SVOPL: variants seen among roughly 807,000 people sequenced by gnomAD.
SVOPL encodes the protein SVOP like, also known as putative transporter SVOPL.
A neutral mutation model predicts 61.0 loss-of-function variants in SVOPL; 60 were observed. The ratio of observed to expected loss-of-function variants is 0.98; its 90% CI spans 0.80 to 1.22. The LOEUF (loss-of-function observed/expected upper bound fraction) is 1.22, where lower values mean the gene tolerates loss of function less well. Ranked by LOEUF, SVOPL falls within the 50% of genes most tolerant of loss-of-function variation. SVOPL has a pLI of 0.00. For missense variants in SVOPL, 662 were observed against 643.9 expected, an observed-to-expected ratio of 1.03 and a Z score of -0.30; for synonymous variants, 279 against 250.0, an observed-to-expected ratio of 1.12 and a Z score of -1.09.
intron 13 of SVOPL, among the ~76,000 whole-genome samples, chr7:138,623,855 C>T (rs117668442): frequency 0.015 from 2,300 of 152,082 alleles, 35 homozygotes; most frequent in Non-Finnish European, 0.025. Flanking sequence ...CGGAGTCTCT[C>T]TGTCACCGGG....
At chr7:138,685,225 C>T (rs374099327) in intron 1 of SVOPL, among the ~76,000 whole-genome samples, 8 of 152,122 alleles carry the variant, frequency 5.3e-5, no homozygotes, top group Non-Finnish European at 1.2e-4. Flanking sequence ...AGTCACTGTG[C>T]CCGGCCACAA....
At chr7:138,621,780 T>TTCTATCTATCTA in intron 13 of SVOPL, among the ~76,000 whole-genome samples, 1 of 90,936 alleles carries the variant, frequency 1.1e-5, no homozygotes, top group African/African-American at 3.9e-5. Flanking sequence ...TAACAGCATA[T>TTCTATCTATCTA]TCTATCTATC....
chr7:138,612,429 T>TAAAAAAAAAAAAAAAAAAAAAAAAA (rs1799084478), intron 14 of SVOPL, among the ~76,000 whole-genome samples: 4 of 78,146 alleles, frequency 5.1e-5, no homozygotes, highest in Admixed American at 1.3e-4. Context: ...AAAAATAAAA[T>TAAAAAAAAAAAAAAAAAAAAAAAAA]AAAAAATAAA....
intron 1 of SVOPL, among the ~76,000 whole-genome samples, chr7:138,684,728 A>T (rs1294333503): frequency 6.6e-6 from 1 of 152,188 alleles, no homozygotes; most frequent in East Asian, 1.9e-4. Context: ...ATTAAAATAG[A>T]ACCACCAATA....
At chr7:138,679,388 G>A (rs1037534483) in intron 1 of SVOPL, among the ~76,000 whole-genome samples, 1 of 152,054 alleles carries the variant, frequency 6.6e-6, no homozygotes, top group Non-Finnish European at 1.5e-5. Context: ...TCGTGCCTCA[G>A]CCTCTTGAGT....
chr7:138,622,202 GTATCTATCTATCTATC>G (rs1195847598), intron 13 of SVOPL, among the ~76,000 whole-genome samples: 8 of 59,404 alleles, frequency 1.3e-4, no homozygotes, highest in East Asian at 6.1e-4. Context: ...ATCTATCTAT[GTATCTATCTATCTATC>G]TATGTATCTA....
chr7:138,659,720 A>C, intron 6 of SVOPL, 144 bp downstream of exon 6: 1 of 890,494 alleles, frequency 1.1e-6, no homozygotes, highest in Non-Finnish European at 1.7e-6. Flanking sequence ...AACTTTGGCA[A>C]AAATAAACTT....
At position 138,649,103 on chromosome 7, in the gene SVOPL, C is replaced by A. The variant is rs1563118396; in HGVS notation, c.569G>T (p.Gly190Val). 1 of 1,613,180 alleles carries A rather than the reference C, an allele frequency of 6.2e-7. No homozygotes were observed. Among genetic ancestry groups the A allele is most frequent in the Non-Finnish European group, 8.5e-7 (1 of 1,179,898 alleles). ...GGTGGGGATGATCACAGAGGCCAAG[C>A]CAATGATGAGCAGGGAGCCCGCAAG... ...FWLAGSLLII[G>V]LASVIIPTIG... is the part of the protein sequence containing the mutation. Residue 190 changes from glycine (G) to valine (V), a missense_variant, in exon 8 of 16, where the codon GGC (glycine) becomes GTC (valine). Transcript: ENST00000674285.
rs762135059 is a variant in SVOPL, at chr7:138,644,716, C to T, written c.789+1G>A. 1 of 1,614,000 alleles carries T rather than the reference C, an allele frequency of 6.2e-7. No individual in the cohort carries two copies. The highest frequency in any genetic ancestry group is 2.2e-5 in the East Asian group (1 of 44,872). On this transcript the variant is annotated splice_donor_variant, in intron 9 of 15. Coordinates refer to ENST00000674285, the MANE Select transcript of SVOPL (RefSeq NM_001139456.2). LOFTEE classifies it high-confidence loss of function. ...AGAAGACCTCGGGGGCCAGCACTCA[C>T]CAGGACGGGCTCCACCAGCTTCCCC...
intron 7 of SVOPL, among the ~76,000 whole-genome samples, chr7:138,652,536 A>T (rs1801490020): frequency 6.6e-6 from 1 of 152,194 alleles, no homozygotes; most frequent in African/African-American, 2.4e-5. Context: ...TTCATGAGGA[A>T]GGCATGTCGA....
intron 7 of SVOPL, among the ~76,000 whole-genome samples, chr7:138,654,299 AGAGAT>A (rs567839426): frequency 1.3e-5 from 2 of 152,344 alleles, no homozygotes; most frequent in Admixed American, 1.3e-4. Context: ...AGTGTACAGA[AGAGAT>A]AAGATGATGT....
chr7:138,621,997 T>A (rs1584792760), intron 13 of SVOPL, among the ~76,000 whole-genome samples: 3 of 149,978 alleles, frequency 2.0e-5, no homozygotes, highest in Non-Finnish European at 3.0e-5. Context: ...TATGTATCTA[T>A]CTATCTATGT....
In SVOPL at chr7:138,612,424, TAAAATAA is replaced by T. The variant is rs1799082867; in HGVS notation, c.1353+8615_1353+8621del. ...ATAAATTAAAAAAAAAAAAAAAAAATAAAATAAAAAATAAAAAAAAAATAAAAAAAAA... is the reference window on the plus strand; with the variant it reads ...ATAAATTAAAAAAAAAAAAAAAAAATAAAATAAAAAAAAAATAAAAAAAAA... On this transcript the variant is annotated intron_variant, in intron 14 of 15. Coordinates refer to ENST00000674285, the MANE Select transcript of SVOPL (RefSeq NM_001139456.2). Among the ~76,000 whole-genome samples the T allele has an allele frequency of 4.9e-5, 2 of 41,200 alleles. 1 individual carries two copies. Among genetic ancestry groups the T allele is most frequent in the Non-Finnish European group, 1.0e-4 (2 of 19,306 alleles). 27.0% of individuals were successfully genotyped at this position (41,200 alleles called of 152,430 possible). A position where few individuals can be genotyped will look rare whatever the true frequency, so the allele number is the denominator to read the frequency against.
chr7:138,694,354 C>A (rs1463642638), intron 1 of SVOPL, among the ~76,000 whole-genome samples: 1 of 152,142 alleles, frequency 6.6e-6, no homozygotes, highest in African/African-American at 2.4e-5. Context: ...AAGTGATTCT[C>A]CTGCCTCAGC....
At chr7:138,680,168 CTTTTTT>C (rs1232394704) in intron 1 of SVOPL, among the ~76,000 whole-genome samples, 1 of 135,274 alleles carries the variant, frequency 7.4e-6, no homozygotes, top group East Asian at 2.1e-4. Context: ...ATGTCATTGT[CTTTTTT>C]TTTTTTTTTT....
At chr7:138,668,985 G>A (rs933270410) in intron 4 of SVOPL, among the ~76,000 whole-genome samples, 56 of 152,174 alleles carry the variant, frequency 3.7e-4, no homozygotes, top group African/African-American at 1.3e-3. Flanking sequence ...CTATTAAGTC[G>A]TTGGGGCCCA....
chr7:138,639,384 T>C (rs1239433255), intron 9 of SVOPL, among the ~76,000 whole-genome samples: 3 of 152,004 alleles, frequency 2.0e-5, no homozygotes, highest in African/African-American at 7.2e-5. Context: ...CCCAGCACTT[T>C]GGGAGGCTGA....
intron 4 of SVOPL, among the ~76,000 whole-genome samples, chr7:138,667,876 T>C (rs796858813): frequency 7.2e-5 from 11 of 152,324 alleles, no homozygotes; most frequent in African/African-American, 1.2e-4. Flanking sequence ...ACTTACTTTA[T>C]AGTTTAAAAC....
At chr7:138,641,854 A>G (rs1301365165) in intron 9 of SVOPL, among the ~76,000 whole-genome samples, 3 of 145,460 alleles carry the variant, frequency 2.1e-5, no homozygotes, top group African/African-American at 7.5e-5. Context: ...TATAACATAT[A>G]TATAGTCAAT....
Sources: gnomAD v4.1 joint callset for allele counts (sites outside exome capture counted in the v4.1 genomes callset) on GRCh38, gnomAD v4.1.1 for gene constraint, MANE v1.5 for transcripts, NCBI Gene and HGNC (gene_info 2026-07-23, HGNC 2026-07-21) for gene names.